PRKCQ: variants seen among roughly 807,000 people sequenced by gnomAD.
PRKCQ encodes protein kinase C theta.
Under a neutral mutation model 91.2 loss-of-function variants are expected in PRKCQ, and 41 were observed. The observed-to-expected ratio is 0.45, with a 90% CI of 0.35 to 0.58. PRKCQ has a LOEUF of 0.58. Among genes scored for constraint, PRKCQ ranks in the 20% least tolerant of loss-of-function variants. PRKCQ has a pLI of 0.00. For synonymous variants in PRKCQ, 307 were observed against 316.9 expected, an observed-to-expected ratio of 0.97 and a Z score of 0.33; for missense variants, 673 against 896.5, an observed-to-expected ratio of 0.75 and a Z score of 3.18.
At chr10:6,513,167 C>T (rs1224721507) in intron 2 of PRKCQ, among the ~76,000 whole-genome samples, 1 of 152,174 alleles carries the variant, frequency 6.6e-6, no homozygotes. Flanking sequence ...CCCGCAGCCC[C>T]GTAGCCTGTT....
At chr10:6,531,846 C>T (rs1839407377) in intron 1 of PRKCQ, among the ~76,000 whole-genome samples, 1 of 151,866 alleles carries the variant, frequency 6.6e-6, no homozygotes, top group African/African-American at 2.4e-5. Flanking sequence ...TGAAAGTGCC[C>T]TTATTGATCT....
At chr10:6,441,459 TC>T (rs1349540878) in intron 16 of PRKCQ, among the ~76,000 whole-genome samples, 3 of 67,264 alleles carry the variant, frequency 4.5e-5, no homozygotes, top group Admixed American at 2.2e-4. Context: ...CCATTTTGTT[TC>T]TTTTTTTTTT....
downstream of PRKCQ, among the ~76,000 whole-genome samples, chr10:6,424,738 C>T (rs150487341): frequency 7.4e-4 from 113 of 152,276 alleles, no homozygotes; most frequent in African/African-American, 2.7e-3. Flanking sequence ...TAAGCATGGT[C>T]TTGCTGGACG....
chr10:6,538,476 T>G (rs567116689), intron 1 of PRKCQ, among the ~76,000 whole-genome samples: 2 of 152,254 alleles, frequency 1.3e-5, no homozygotes, highest in Admixed American at 6.5e-5. Context: ...ATTTCAAATC[T>G]ATCATAGGCA....
the PRKCQ span, among the ~76,000 whole-genome samples, chr10:6,412,531 C>T: frequency 1.3e-5 from 2 of 152,024 alleles, no homozygotes; most frequent in African/African-American, 2.4e-5. Flanking sequence ...ACTTGGTTCT[C>T]GATGTTAGAA....
chr10:6,491,182 T>A (rs977117401), intron 8 of PRKCQ, among the ~76,000 whole-genome samples: 3 of 152,190 alleles, frequency 2.0e-5, no homozygotes, highest in Non-Finnish European at 4.4e-5. Flanking sequence ...CTCAAGCTAA[T>A]GTTACAGAAT....
intron 1 of PRKCQ, among the ~76,000 whole-genome samples, chr10:6,568,655 T>G (rs1250827555): frequency 2.6e-5 from 4 of 151,912 alleles, no homozygotes; most frequent in Non-Finnish European, 1.5e-5. Context: ...ACACCACCAT[T>G]CCTGGCTAAT....
intron 1 of PRKCQ, among the ~76,000 whole-genome samples, chr10:6,558,897 T>G (rs1166114906): frequency 6.6e-6 from 1 of 152,134 alleles, no homozygotes; most frequent in Non-Finnish European, 1.5e-5. Flanking sequence ...CTATTGATTC[T>G]CCGGTGAGAC....
the PRKCQ span, among the ~76,000 whole-genome samples, chr10:6,411,708 A>T: frequency 2.0e-5 from 3 of 152,178 alleles, no homozygotes; most frequent in African/African-American, 7.2e-5. Context: ...AACCTAAAAT[A>T]TTGGCTAAAT....
chr10:6,521,902 GTGATGTTATGTTATGTTATGTTATTTAT>G (rs199614166), intron 1 of PRKCQ, among the ~76,000 whole-genome samples: 5 of 126,286 alleles, frequency 4.0e-5, no homozygotes, highest in Non-Finnish European at 7.1e-5. Flanking sequence ...GTTATGTTAT[GTGATGTTATGTTATGTTATGTTATTTAT>G]TTATTTATTT....
At chr10:6,546,326 C>T (rs1839950383) in intron 1 of PRKCQ, among the ~76,000 whole-genome samples, 1 of 152,190 alleles carries the variant, frequency 6.6e-6, no homozygotes, top group East Asian at 1.9e-4. Context: ...CCTCACTCCA[C>T]ACACCATCCA....
chr10:6,569,136 C>T (rs193207790), intron 1 of PRKCQ, among the ~76,000 whole-genome samples: 123 of 152,198 alleles, frequency 8.1e-4, no homozygotes, highest in East Asian at 1.9e-3. Context: ...ATTTATTTAT[C>T]CCACTAATAT....
In PRKCQ at chr10:6,464,178, C is replaced by T. The variant is rs146613811; in HGVS notation, c.1445+135G>A. ...CAGTTTCACAACCTGGGAAAACTGT[C>T]GCCTTGCTCGATGTATTCCCAAGGG... On this transcript the variant is annotated intron_variant, in intron 13 of 17. Coordinates refer to ENST00000263125, the MANE Select transcript of PRKCQ (RefSeq NM_006257.5). The T allele has an allele frequency of 3.2e-3, 2,412 of 763,936 alleles. 11 individuals carry two copies. Among genetic ancestry groups the T allele is most frequent in the Middle Eastern group, 0.026 (95 of 3,658 alleles). The allele number at this position is 763,936 out of a possible 1,614,324, so 47.3% of individuals were successfully genotyped here. A position where few individuals can be genotyped will look rare whatever the true frequency, so the allele number is the denominator to read the frequency against.
At chr10:6,525,358 A>C (rs757867890) in intron 1 of PRKCQ, among the ~76,000 whole-genome samples, 5 of 152,186 alleles carry the variant, frequency 3.3e-5, no homozygotes, top group Non-Finnish European at 7.3e-5. Context: ...CAGGCGGATC[A>C]CCTGAGGTCA....
chr10:6,533,239 C>A (rs1349081571), intron 1 of PRKCQ, among the ~76,000 whole-genome samples: 1 of 152,104 alleles, frequency 6.6e-6, no homozygotes, highest in Non-Finnish European at 1.5e-5. Context: ...GCTCAGCTGC[C>A]CAGGCTGGAG....
intron 1 of PRKCQ, among the ~76,000 whole-genome samples, chr10:6,562,153 C>T (rs980760334): frequency 2.0e-5 from 3 of 152,062 alleles, no homozygotes; most frequent in Admixed American, 6.6e-5. Flanking sequence ...TAAGGAAGAA[C>T]GAAGGAGAAG....
chr10:6,448,162 T>C (rs1048322859), intron 15 of PRKCQ, among the ~76,000 whole-genome samples: 6 of 152,196 alleles, frequency 3.9e-5, no homozygotes, highest in African/African-American at 1.4e-4. Context: ...TGGTCGTTTA[T>C]TCAGGAAGGA....
Position 6,534,789 on chromosome 10 carries a change from T to G in PRKCQ, c.-9-19645A>C, listed in dbSNP as rs10906789. 1.3e-3 allele frequency among the ~76,000 whole-genome samples: 166 copies of G among 130,124 alleles called. 1 individual carries two copies. The highest frequency in any genetic ancestry group is 6.2e-3 in the East Asian group (28 of 4,546). The allele number at this position is 130,124 out of a possible 152,430, so 85.4% of individuals were successfully genotyped here. On this transcript the variant is annotated intron_variant, in intron 1 of 17. Transcript: ENST00000263125. ...AAACATATATCTATATATATATATA[T>G]ATAGATATATATATATATATATAAA...
intron 12 of PRKCQ, among the ~76,000 whole-genome samples, chr10:6,478,406 G>GT (rs1187682604): frequency 6.6e-6 from 1 of 152,046 alleles, no homozygotes; most frequent in African/African-American, 2.4e-5. Flanking sequence ...GATAATTTTT[G>GT]TTTTTTTAAG....
Sources: gnomAD v4.1 joint callset for allele counts (sites outside exome capture counted in the v4.1 genomes callset) on GRCh38, gnomAD v4.1.1 for gene constraint, MANE v1.5 for transcripts, NCBI Gene and HGNC (gene_info 2026-07-23, HGNC 2026-07-21) for gene names.